The following EFHC2 variants were observed in gnomAD, a reference collection of about 807,000 sequenced individuals.
The protein encoded by EFHC2 is EF-hand domain-containing family member C2.
Under a neutral mutation model 52.7 loss-of-function variants are expected in EFHC2, and 18 were observed. That is an observed-to-expected ratio of 0.34 (90% CI 0.24 to 0.51). The LOEUF is 0.51. Among genes scored for constraint, EFHC2 ranks in the 20% least tolerant of loss-of-function variants. The pLI, the probability that EFHC2 is intolerant of heterozygous loss-of-function variation, is 0.97. For synonymous variants in EFHC2, 203 were observed against 204.1 expected, an observed-to-expected ratio of 0.99 and a Z score of 0.04; for missense variants, 513 against 562.5, an observed-to-expected ratio of 0.91 and a Z score of 0.89.
At chrX:44,243,986 T>A (rs746716377) in intron 7 of EFHC2, among the ~76,000 whole-genome samples, 8 of 111,291 alleles carry the variant, frequency 7.2e-5, no homozygotes, top group Non-Finnish European at 1.1e-4. Context: ...GGAGTTTCTT[T>A]CAACAGGAGA....
At chrX:44,178,043 C>T (rs767980579) in intron 12 of EFHC2, among the ~76,000 whole-genome samples, 1 of 107,614 alleles carries the variant, frequency 9.3e-6, no homozygotes, top group Non-Finnish European at 1.9e-5. Flanking sequence ...AGGCAGGAGA[C>T]TCTCTTGAAC....
At chrX:44,218,996 T>C (rs189617709) in intron 11 of EFHC2, among the ~76,000 whole-genome samples, 1 of 110,889 alleles carries the variant, frequency 9.0e-6, no homozygotes, top group Non-Finnish European at 1.9e-5. Context: ...TACAATTGAA[T>C]GCTACTCAGT....
At chrX:44,313,170 T>C (rs1313095109) in intron 1 of EFHC2, among the ~76,000 whole-genome samples, 1 of 111,398 alleles carries the variant, frequency 9.0e-6, no homozygotes, top group East Asian at 2.8e-4. Flanking sequence ...GTAACTGTTT[T>C]CCACAGAAGT....
chrX:44,209,778 C>T (rs2037080838), intron 11 of EFHC2, among the ~76,000 whole-genome samples: 2 of 109,179 alleles, frequency 1.8e-5, no homozygotes, highest in African/African-American at 3.3e-5. Flanking sequence ...CTTACAGCCA[C>T]TCCCCATTGC....
chrX:44,180,405 C>G (rs1244606982), intron 11 of EFHC2, among the ~76,000 whole-genome samples: 1 of 112,279 alleles, frequency 8.9e-6, no homozygotes, highest in African/African-American at 3.2e-5. Context: ...AAGAAACAGT[C>G]ATGCCATGTG....
chrX:44,260,069 A>T (rs1246288700), intron 4 of EFHC2, among the ~76,000 whole-genome samples: 1 of 111,787 alleles, frequency 8.9e-6, no homozygotes, highest in African/African-American at 3.3e-5. Context: ...AATAAAAATC[A>T]GACAAAACTC....
At chrX:44,217,314 G>C (rs767003332) in intron 11 of EFHC2, among the ~76,000 whole-genome samples, 31 of 111,374 alleles carry the variant, frequency 2.8e-4, no homozygotes, top group Non-Finnish European at 5.3e-4. Context: ...ACAGTTTGGA[G>C]GTTTCTCAAA....
intron 3 of EFHC2, among the ~76,000 whole-genome samples, chrX:44,270,564 G>C (rs1412833585): frequency 8.9e-6 from 1 of 111,829 alleles, no homozygotes; most frequent in Non-Finnish European, 1.9e-5. Context: ...GAAAGGGATG[G>C]AAAAACCAAA....
chrX:44,262,173 C>G (rs1461793062), intron 3 of EFHC2, among the ~76,000 whole-genome samples: 2 of 110,433 alleles, frequency 1.8e-5, no homozygotes, highest in Non-Finnish European at 3.8e-5. Flanking sequence ...AGCCAAGTTA[C>G]CCAAATATTG....
chrX:44,177,707 CT>C (rs1398686060), intron 12 of EFHC2, among the ~76,000 whole-genome samples: 1 of 111,357 alleles, frequency 9.0e-6, no homozygotes, highest in Non-Finnish European at 1.9e-5. Flanking sequence ...AGAATGTTTG[CT>C]TGAAAATTCC....
chrX:44,184,603 G>C (rs1396678698), intron 11 of EFHC2, among the ~76,000 whole-genome samples: 1 of 110,062 alleles, frequency 9.1e-6, no homozygotes, highest in Non-Finnish European at 1.9e-5. Flanking sequence ...CACGCCTGTA[G>C]TCCCAGCTAC....
At chrX:44,201,400 A>G (rs2037005093) in intron 11 of EFHC2, among the ~76,000 whole-genome samples, 1 of 111,584 alleles carries the variant, frequency 9.0e-6, no homozygotes, top group Non-Finnish European at 1.9e-5. Context: ...ATACAAATTG[A>G]TGAATTAATG....
chrX:44,231,657 C>T (rs2037278522), intron 10 of EFHC2, among the ~76,000 whole-genome samples: 1 of 111,495 alleles, frequency 9.0e-6, no homozygotes, highest in African/African-American at 3.3e-5. Flanking sequence ...TACACAGAGA[C>T]ATCAATCTTA....
chrX:44,212,780 A>G (rs950969846), intron 11 of EFHC2, among the ~76,000 whole-genome samples: 1 of 110,653 alleles, frequency 9.0e-6, no homozygotes, highest in Admixed American at 9.6e-5. Flanking sequence ...GGCGCGACCT[A>G]GGCTCACTAC....
chrX:44,273,571 A>T (rs900581399), intron 2 of EFHC2, among the ~76,000 whole-genome samples: 26 of 112,390 alleles, frequency 2.3e-4, no homozygotes, highest in African/African-American at 8.4e-4. Flanking sequence ...GAAGCAGATG[A>T]CTGCCTGCTT....
chrX:44,229,456 C>T (rs761855248), intron 11 of EFHC2, among the ~76,000 whole-genome samples, 193 bp downstream of exon 11: 59 of 112,345 alleles, frequency 5.3e-4, no homozygotes, highest in Middle Eastern at 4.6e-3. Flanking sequence ...CATGTACAAA[C>T]TCCTTTTATA....
At chrX:44,169,012 A>G (rs1295492796) in intron 13 of EFHC2, among the ~76,000 whole-genome samples, 1 of 111,415 alleles carries the variant, frequency 9.0e-6, no homozygotes, top group Non-Finnish European at 1.9e-5. Flanking sequence ...AAGGAACCAA[A>G]GGCAATTCAG....
At chrX:44,163,443 C>T (rs1304814228) in intron 14 of EFHC2, among the ~76,000 whole-genome samples, 1 of 111,602 alleles carries the variant, frequency 9.0e-6, no homozygotes, top group Non-Finnish European at 1.9e-5. Flanking sequence ...CATTTTTCTA[C>T]AGAATTTTGA....
At chrX:44,208,707 T>C (rs2037068326) in intron 11 of EFHC2, among the ~76,000 whole-genome samples, 1 of 111,432 alleles carries the variant, frequency 9.0e-6, no homozygotes, top group Non-Finnish European at 1.9e-5. Flanking sequence ...CAAAATACAA[T>C]CACCTTTTCA....
Sources: gnomAD v4.1 joint callset for allele counts (sites outside exome capture counted in the v4.1 genomes callset) on GRCh38, gnomAD v4.1.1 for gene constraint, MANE v1.5 for transcripts, NCBI Gene and HGNC (gene_info 2026-07-23, HGNC 2026-07-21) for gene names.